Variants in XRRA1 observed in about 807,000 individuals in gnomAD.
The protein encoded by XRRA1 is X-ray radiation resistance-associated protein 1.
XRRA1 carries 69 observed loss-of-function variants against 80.2 expected under a neutral mutation model. The ratio of observed to expected loss-of-function variants is 0.86; its 90% confidence interval spans 0.71 to 1.05. The LOEUF (loss-of-function observed/expected upper bound fraction) is 1.05. Ranked by LOEUF, XRRA1 falls within the 50% of genes least tolerant of loss-of-function variation. The pLI is 0.00. For synonymous variants in XRRA1, 348 were observed against 389.9 expected, an observed-to-expected ratio of 0.89 and a Z score of 1.27; for missense variants, 967 against 976.4, an observed-to-expected ratio of 0.99 and a Z score of 0.13.
intron 4 of XRRA1, among the ~76,000 whole-genome samples, 193 bp downstream of exon 4, chr11:74,936,691 G>A (rs1945066711): frequency 6.6e-6 from 1 of 152,220 alleles, no homozygotes; most frequent in South Asian, 2.1e-4. Context: ...TCACTAGGTA[G>A]ATGTCAAGAA....
At chr11:74,872,035 T>A (rs1401480650) in intron 10 of XRRA1, among the ~76,000 whole-genome samples, 3 of 152,152 alleles carry the variant, frequency 2.0e-5, no homozygotes, top group African/African-American at 7.2e-5. Flanking sequence ...AGGGGAACCA[T>A]CATTCCCAGT....
intron 15 of XRRA1, 61 bp downstream of exon 15, chr11:74,848,054 G>C: frequency 6.8e-7 from 1 of 1,469,268 alleles, no homozygotes; most frequent in South Asian, 1.2e-5. Flanking sequence ...CGAGCCTAAG[G>C]GCTGCACAGG....
intron 10 of XRRA1, among the ~76,000 whole-genome samples, chr11:74,874,608 G>A (rs997499079): frequency 6.6e-6 from 1 of 152,204 alleles, no homozygotes; most frequent in Non-Finnish European, 1.5e-5. Flanking sequence ...CCCACATAAT[G>A]TAGCACGATT....
At chr11:74,860,049 T>C (rs2041997019) in intron 11 of XRRA1, among the ~76,000 whole-genome samples, 1 of 152,208 alleles carries the variant, frequency 6.6e-6, no homozygotes, top group African/African-American at 2.4e-5. Flanking sequence ...TAGGTTCAGA[T>C]GAACTAGATT....
At chr11:74,894,962 C>T (rs1353518913) in intron 10 of XRRA1, among the ~76,000 whole-genome samples, 1 of 152,088 alleles carries the variant, frequency 6.6e-6, no homozygotes, top group Non-Finnish European at 1.5e-5. Flanking sequence ...GAAAAGTGCA[C>T]ATTAAAACAA....
chr11:74,930,191 A>G, intron 6 of XRRA1, 109 bp downstream of exon 6: 1 of 946,658 alleles, frequency 1.1e-6, no homozygotes. Flanking sequence ...TACTCCAAAA[A>G]AGAGATGTGT....
In XRRA1 at chr11:74,842,299, G is replaced by A. The variant is rs1450329392; in HGVS notation, c.*901C>T. Reference sequence around the variant, plus strand: ...CAGCAAGGACATGGCATGGAATCAAGTGGGCTGATGTGTTGTTATTTAAAC... The same window carrying A: ...CAGCAAGGACATGGCATGGAATCAAATGGGCTGATGTGTTGTTATTTAAAC... On this transcript the variant is annotated 3_prime_UTR_variant, in exon 19 of 19. Coordinates refer to ENST00000684022, the MANE Select transcript of XRRA1 (RefSeq NM_001378157.1). 1 of 152,250 alleles carries A rather than the reference G, an allele frequency of 6.6e-6. No individual in the cohort carries two copies. Among genetic ancestry groups the A allele is most frequent in the Non-Finnish European group, 1.5e-5 (1 of 68,048 alleles). The allele number at this position is 152,250 out of a possible 1,614,324, so 9.4% of individuals were successfully genotyped here.
intron 11 of XRRA1, among the ~76,000 whole-genome samples, chr11:74,861,738 C>T (rs56167719): frequency 0.024 from 3,678 of 152,270 alleles, 124 homozygotes; most frequent in African/African-American, 0.085. Flanking sequence ...GGGACTGCTG[C>T]ATTATAGTAA....
chr11:74,889,942 A>C (rs1480848925), intron 10 of XRRA1, among the ~76,000 whole-genome samples: 2 of 152,180 alleles, frequency 1.3e-5, no homozygotes, highest in East Asian at 3.8e-4. Flanking sequence ...ACTCCCACAC[A>C]ATAATAATGG....
intron 18 of XRRA1, 175 bp from the exon 19 acceptor site, chr11:74,843,628 T>C (rs2135255985): frequency 1.1e-6 from 1 of 896,980 alleles, no homozygotes; most frequent in Admixed American, 2.7e-5. Flanking sequence ...ACTGCCCCTA[T>C]GCATTGACTC....
At chr11:74,948,094 T>C (rs566869362) in intron 1 of XRRA1, among the ~76,000 whole-genome samples, 8 of 152,380 alleles carry the variant, frequency 5.3e-5, no homozygotes, top group Non-Finnish European at 8.8e-5. Context: ...CCCTGGTGAC[T>C]AGAATAGTGC....
intron 10 of XRRA1, 74 bp from the exon 11 acceptor site, chr11:74,863,095 C>T: frequency 7.3e-7 from 1 of 1,363,348 alleles, no homozygotes; most frequent in Non-Finnish European, 1.0e-6. Flanking sequence ...GGATATAGGT[C>T]TGCCATCCAC....
At chr11:74,869,288 A>C (rs943768533) in intron 10 of XRRA1, among the ~76,000 whole-genome samples, 1 of 152,178 alleles carries the variant, frequency 6.6e-6, no homozygotes, top group Non-Finnish European at 1.5e-5. Context: ...TATTCTTTGA[A>C]ACTAAAGGAG....
chr11:74,901,712 T>A (rs2137909629), intron 10 of XRRA1, among the ~76,000 whole-genome samples: 1 of 152,284 alleles, frequency 6.6e-6, no homozygotes, highest in African/African-American at 2.4e-5. Flanking sequence ...CTTCAATAAA[T>A]GGTTCTGGGA....
At chr11:74,932,369 A>C (rs1943826022) in intron 5 of XRRA1, among the ~76,000 whole-genome samples, 1 of 152,116 alleles carries the variant, frequency 6.6e-6, no homozygotes, top group South Asian at 2.1e-4. Context: ...CTCTGAGGTC[A>C]TATTTCGCAC....
At chr11:74,878,569 T>G (rs2046656718) in intron 10 of XRRA1, among the ~76,000 whole-genome samples, 1 of 151,880 alleles carries the variant, frequency 6.6e-6, no homozygotes, top group Non-Finnish European at 1.5e-5. Context: ...AATGCCTAGG[T>G]TTTCTTCTAG....
intron 12 of XRRA1, among the ~76,000 whole-genome samples, chr11:74,856,591 A>G (rs1429800212): frequency 2.0e-5 from 3 of 152,194 alleles, no homozygotes; most frequent in Non-Finnish European, 4.4e-5. Flanking sequence ...TTAAGAAGAA[A>G]TCAGGTAAAA....
chr11:74,940,859 T>C lies in XRRA1; in HGVS notation c.20A>G (p.Tyr7Cys). The part of the protein sequence containing the change: MAFSGI[Y>C]KLDDGKPYLN... ...GTAAGGCTTCCCATCATCCAGCTTG[T>C]AGATTCCTGAGAAGGCCATCTCCCT... is the stretch of plus-strand genomic sequence containing the variant. Residue 7 changes from tyrosine (Y) to cysteine (C), a missense_variant, in exon 3 of 19, where the codon TAC becomes TGC. By Grantham distance (194) the Tyr-to-Cys change is radical. Coordinates refer to ENST00000684022, the MANE Select transcript of XRRA1 (RefSeq NM_001378157.1). 2 of 1,608,768 alleles carry C rather than the reference T, an allele frequency of 1.2e-6. No homozygotes were observed. The highest frequency in any genetic ancestry group is 1.7e-6 in the Non-Finnish European group (2 of 1,177,662).
At chr11:74,853,988 G>A (rs1480359049) in intron 12 of XRRA1, among the ~76,000 whole-genome samples, 1 of 152,034 alleles carries the variant, frequency 6.6e-6, no homozygotes. Context: ...TGTAGATACT[G>A]GGGGGGCGGA....
Sources: allele counts gnomAD v4.1 joint callset (sites outside exome capture counted in the v4.1 genomes callset), GRCh38; gene constraint gnomAD v4.1.1; transcripts MANE v1.5; gene names NCBI Gene and HGNC (gene_info 2026-07-23, HGNC 2026-07-21).